The following CACNA1D variants were observed in gnomAD, a reference collection of about 807,000 sequenced individuals.
The protein encoded by CACNA1D is voltage-dependent L-type calcium channel subunit alpha-1D.
In CACNA1D, 55 loss-of-function variants were observed where a neutral mutation model predicts 257.1. The ratio of observed to expected loss-of-function variants is 0.21; its 90% CI spans 0.17 to 0.27. The LOEUF is 0.27. Ranked by LOEUF, CACNA1D falls within the 10% of genes least tolerant of loss-of-function variation. CACNA1D has a pLI of 1.00. For missense variants in CACNA1D, 1,876 were observed against 2,784.0 expected (o/e 0.67, Z 7.34); for synonymous variants, 980 against 1,014.9 (o/e 0.97, Z 0.65).
intron 3 of CACNA1D, among the ~76,000 whole-genome samples, chr3:53,594,618 C>G (rs1419784309): frequency 6.6e-6 from 1 of 152,246 alleles, no homozygotes; most frequent in Non-Finnish European, 1.5e-5. Flanking sequence ...ATGTGGGGCT[C>G]TGGGACAGAA....
intron 40 of CACNA1D, among the ~76,000 whole-genome samples, chr3:53,790,703 C>T (rs2095478774): frequency 6.6e-6 from 1 of 152,216 alleles, no homozygotes; most frequent in Non-Finnish European, 1.5e-5. Context: ...GGACTCTCAG[C>T]CCCTGATGTG....
At chr3:53,719,658 G>A (rs2094860336) in intron 10 of CACNA1D, 97 bp from the exon 11 acceptor site, 1 of 1,100,468 alleles carries the variant, frequency 9.1e-7, no homozygotes, top group Non-Finnish European at 1.4e-6. Context: ...AGTCCAGGCT[G>A]TATGCATGGC....
At chr3:53,753,447 G>A (rs985708351) in intron 28 of CACNA1D, 125 bp from the exon 29 acceptor site, 17 of 747,288 alleles carry the variant, frequency 2.3e-5, no homozygotes, top group Non-Finnish European at 4.2e-5. Flanking sequence ...CGGTGGAATT[G>A]CCCAGCGAGG....
At chr3:53,498,992 G>C (rs2090467491) in intron 2 of CACNA1D, among the ~76,000 whole-genome samples, 1 of 152,216 alleles carries the variant, frequency 6.6e-6, no homozygotes, top group Admixed American at 6.5e-5. Flanking sequence ...GGCATTGCTA[G>C]ATTCATGACA....
chr3:53,662,647 C>T (rs1038001890), intron 5 of CACNA1D, among the ~76,000 whole-genome samples: 8 of 152,172 alleles, frequency 5.3e-5, no homozygotes, highest in Non-Finnish European at 1.2e-4. Flanking sequence ...ATTTCTGACC[C>T]GGTGTTCTTC....
chr3:53,795,861 G>A (rs2095505343), intron 40 of CACNA1D, among the ~76,000 whole-genome samples: 1 of 152,204 alleles, frequency 6.6e-6, no homozygotes, highest in African/African-American at 2.4e-5. Context: ...GATGGGAATA[G>A]CGCAACCCCT....
At chr3:53,676,862 A>G (rs770318433) in intron 8 of CACNA1D, among the ~76,000 whole-genome samples, 5 of 152,238 alleles carry the variant, frequency 3.3e-5, no homozygotes, top group Non-Finnish European at 7.3e-5. Context: ...ATGCATGAAT[A>G]TAGATGAATA....
intron 8 of CACNA1D, among the ~76,000 whole-genome samples, chr3:53,690,132 G>C (rs1267606956): frequency 1.3e-5 from 2 of 152,114 alleles, no homozygotes; most frequent in African/African-American, 4.8e-5. Context: ...AGTTAAACTA[G>C]GAATTAAATC....
At chr3:53,618,482 C>T (rs971978895) in intron 3 of CACNA1D, among the ~76,000 whole-genome samples, 11 of 152,224 alleles carry the variant, frequency 7.2e-5, no homozygotes, top group African/African-American at 2.4e-4. Context: ...GTCCACTGCT[C>T]AGAAACCTCA....
chr3:53,627,675 T>A (rs978474672), intron 3 of CACNA1D, among the ~76,000 whole-genome samples: 1 of 151,844 alleles, frequency 6.6e-6, no homozygotes, highest in Non-Finnish European at 1.5e-5. Context: ...TAGTGAGCCC[T>A]GGGCTGGGGA....
At chr3:53,696,518 G>T (rs996291508) in intron 8 of CACNA1D, among the ~76,000 whole-genome samples, 2 of 152,226 alleles carry the variant, frequency 1.3e-5, no homozygotes, top group Non-Finnish European at 2.9e-5. Context: ...GCAAGGCTGA[G>T]GGGGCCACCC....
chr3:53,497,590 G>C, intron 2 of CACNA1D, 129 bp downstream of exon 2: 1 of 922,114 alleles, frequency 1.1e-6, no homozygotes, highest in Non-Finnish European at 1.7e-6. Flanking sequence ...TGTATATAAG[G>C]GGTTTCATTG....
intron 10 of CACNA1D, chr3:53,718,798 G>A: frequency 1.4e-6 from 2 of 1,413,318 alleles, no homozygotes; most frequent in Middle Eastern, 1.7e-4. Flanking sequence ...TTGAAGAAGA[G>A]CTTCTGTGGC....
At chr3:53,726,158 G>T (rs1370697829) in intron 14 of CACNA1D, among the ~76,000 whole-genome samples, 1 of 152,180 alleles carries the variant, frequency 6.6e-6, no homozygotes, top group African/African-American at 2.4e-5. Flanking sequence ...GAAAAAACAA[G>T]CCAGTTGCAG....
chr3:53,721,187 G>A (rs150890603), intron 11 of CACNA1D, among the ~76,000 whole-genome samples: 1 of 152,304 alleles, frequency 6.6e-6, no homozygotes, highest in East Asian at 1.9e-4. Flanking sequence ...CTTTCCATTG[G>A]AACCTGCACA....
rs2107036787 is a variant in CACNA1D at position 53,494,914 on chromosome 3, TA to T, written c.-252del. The T allele has an allele frequency of 2.0e-6, 1 of 495,952 alleles. No homozygotes were observed. The highest frequency in any genetic ancestry group is 3.6e-6 in the Non-Finnish European group (1 of 275,132). The allele number at this position is 495,952 out of a possible 1,614,324, so 30.7% of individuals were successfully genotyped here. A position where few individuals can be genotyped will look rare whatever the true frequency, so the allele number is the denominator to read the frequency against. On this transcript the variant is annotated 5_prime_UTR_variant, in exon 1 of 48. Transcript: ENST00000350061. Reference sequence around the variant, plus strand: ...TTAAGATAATATATACATTGGATTTTATTTTTTTAAAAAGTTTATTTTGCTC... The same window carrying T: ...TTAAGATAATATATACATTGGATTTTTTTTTTTAAAAAGTTTATTTTGCTC...
At chr3:53,590,724 G>A (rs762577606) in intron 3 of CACNA1D, among the ~76,000 whole-genome samples, 25 of 152,264 alleles carry the variant, frequency 1.6e-4, no homozygotes, top group African/African-American at 5.1e-4. Context: ...GAGCCTGGGC[G>A]GCCGGGCACC....
chr3:53,648,018 G>A (rs1356769344), intron 3 of CACNA1D, among the ~76,000 whole-genome samples: 1 of 152,198 alleles, frequency 6.6e-6, no homozygotes. Context: ...TATACTAATG[G>A]CCCTTGTGTT....
intron 30 of CACNA1D, among the ~76,000 whole-genome samples, chr3:53,767,565 C>CAAAAAAAAAAAAA (rs397792487): frequency 7.7e-6 from 1 of 130,452 alleles, no homozygotes; most frequent in Non-Finnish European, 1.6e-5. Flanking sequence ...GACTCTATCT[C>CAAAAAAAAAAAAA]AAAAAAAAAA....
Sources: gnomAD v4.1 joint callset for allele counts (sites outside exome capture counted in the v4.1 genomes callset) on GRCh38, gnomAD v4.1.1 for gene constraint, MANE v1.5 for transcripts, NCBI Gene and HGNC (gene_info 2026-07-23, HGNC 2026-07-21) for gene names.